BAZ2B: variants seen among roughly 807,000 people sequenced by gnomAD.
BAZ2B encodes bromodomain adjacent to zinc finger domain protein 2B.
BAZ2B carries 91 observed loss-of-function variants against 246.0 expected under a neutral mutation model. That is an observed-to-expected ratio of 0.37 (90% confidence interval 0.31 to 0.44). The LOEUF is 0.44. Ranked by LOEUF, BAZ2B falls within the 20% of genes least tolerant of loss-of-function variation. The pLI, the probability that BAZ2B is intolerant of heterozygous loss-of-function variation, is 1.00. For synonymous variants in BAZ2B, 855 were observed against 860.0 expected (o/e 0.99, Z 0.10); for missense variants, 2,332 against 2,533.7 (o/e 0.92, Z 1.71).
chr2:159,371,762 T>C (rs2060877463), intron 27 of BAZ2B, among the ~76,000 whole-genome samples: 1 of 152,232 alleles, frequency 6.6e-6, no homozygotes, highest in African/African-American at 2.4e-5. Flanking sequence ...GAGATGGCCA[T>C]CTGTACCAAA....
At chr2:159,404,159 C>T (rs2065533815) in intron 16 of BAZ2B, among the ~76,000 whole-genome samples, 1 of 152,170 alleles carries the variant, frequency 6.6e-6, no homozygotes, top group Non-Finnish European at 1.5e-5. Flanking sequence ...CATTTCCTTT[C>T]TGCTTTAATG....
At chr2:159,641,162 T>G in the BAZ2B span, among the ~76,000 whole-genome samples, 101 of 152,332 alleles carry the variant, frequency 6.6e-4, no homozygotes, top group African/African-American at 2.3e-3. Flanking sequence ...TCCACAATGG[T>G]TGAACTAATT....
intron 2 of BAZ2B, among the ~76,000 whole-genome samples, chr2:159,519,695 CAG>C (rs1353481724): frequency 1.5e-4 from 17 of 114,670 alleles, no homozygotes; most frequent in Admixed American, 5.1e-4. Flanking sequence ...TTTTTTGAGA[CAG>C]AGTCTTGCTC....
In BAZ2B at chr2:159,588,214, CAAAAA is replaced by C. The variant is rs556237766; in HGVS notation, c.-46+28023_-46+28027del. ...TGGGTGACAGACCAAGACCCTGCATCAAAAAAAAAAAAAAAAAACCCCTGCTTGCC... is the reference window on the plus strand; with the variant it reads ...TGGGTGACAGACCAAGACCCTGCATCAAAAAAAAAAAAACCCCTGCTTGCC... On this transcript the variant is annotated intron_variant, in intron 1 of 36. Coordinates refer to ENST00000392783, the MANE Select transcript of BAZ2B (RefSeq NM_013450.4). Among the ~76,000 whole-genome samples the C allele has an allele frequency of 8.2e-5, 9 of 109,208 alleles. 1 individual carries two copies. The South Asian group carries it at 2.8e-3, about 34-fold the overall frequency. The allele number at this position is 109,208 out of a possible 152,430, so 71.6% of individuals were successfully genotyped here.
chr2:159,684,233 G>T, the BAZ2B span, among the ~76,000 whole-genome samples: 123 of 152,314 alleles, frequency 8.1e-4, no homozygotes, highest in Middle Eastern at 3.4e-3. Flanking sequence ...TATTTGTGCT[G>T]TTTAGGGTTT....
chr2:159,348,951 G>A, intron 29 of BAZ2B, 56 bp downstream of exon 29: 1 of 1,584,420 alleles, frequency 6.3e-7, no homozygotes, highest in Non-Finnish European at 8.6e-7. Context: ...TTATAATACA[G>A]GAATCCATAA....
chr2:159,386,225 T>C, intron 22 of BAZ2B, 128 bp downstream of exon 22: 1 of 1,073,912 alleles, frequency 9.3e-7, no homozygotes, highest in Non-Finnish European at 1.3e-6. Context: ...AAATCTACAG[T>C]TAACTTTGTG....
chr2:159,663,954 C>A, the BAZ2B span, among the ~76,000 whole-genome samples: 1 of 96,498 alleles, frequency 1.0e-5, no homozygotes, highest in Non-Finnish European at 2.0e-5. Context: ...TATACATGTG[C>A]CATGCTGGTG....
At chr2:159,402,228 A>T (rs1276183028) in intron 16 of BAZ2B, among the ~76,000 whole-genome samples, 2 of 152,144 alleles carry the variant, frequency 1.3e-5, no homozygotes, top group Non-Finnish European at 2.9e-5. Flanking sequence ...CGGGCAGATC[A>T]CCTGAGGTCA....
chr2:159,591,176 A>G (rs1396625237), intron 1 of BAZ2B, among the ~76,000 whole-genome samples: 1 of 152,196 alleles, frequency 6.6e-6, no homozygotes, highest in African/African-American at 2.4e-5. Flanking sequence ...AAGTATAACC[A>G]TTACACAGAA....
At chr2:159,635,833 G>C in the BAZ2B span, among the ~76,000 whole-genome samples, 1 of 152,114 alleles carries the variant, frequency 6.6e-6, no homozygotes, top group African/African-American at 2.4e-5. Flanking sequence ...TGATAATCAA[G>C]AGGTATCTTA....
upstream of BAZ2B, chr2:159,616,770 C>T (rs572315881): frequency 6.6e-6 from 1 of 152,204 alleles, no homozygotes; most frequent in Non-Finnish European, 1.5e-5. Context: ...AGTTAAGAAA[C>T]TTAAAATGTT....
intron 5 of BAZ2B, among the ~76,000 whole-genome samples, 161 bp from the exon 6 acceptor site, chr2:159,447,136 A>G (rs1241490067): frequency 3.3e-5 from 5 of 152,242 alleles, no homozygotes; most frequent in Admixed American, 2.6e-4. Flanking sequence ...AAATATTCAG[A>G]GCAGGTAAAC....
At chr2:159,690,131 C>T in the BAZ2B span, 1 of 514,968 alleles carries the variant, frequency 1.9e-6, no homozygotes, top group Non-Finnish European at 3.4e-6. Context: ...AAACACATGA[C>T]TCTTGAGGCC....
At chr2:159,682,914 C>G in the BAZ2B span, among the ~76,000 whole-genome samples, 3 of 136,468 alleles carry the variant, frequency 2.2e-5, no homozygotes, top group East Asian at 2.3e-4. Context: ...ACCCCTCCCC[C>G]CCCCCACACA....
At chr2:159,413,081 A>G (rs2067079416) in intron 13 of BAZ2B, among the ~76,000 whole-genome samples, 1 of 152,204 alleles carries the variant, frequency 6.6e-6, no homozygotes, top group African/African-American at 2.4e-5. Flanking sequence ...CATCAAAAAG[A>G]GACACAACTA....
chr2:159,484,276 C>T (rs1178774727), intron 2 of BAZ2B, among the ~76,000 whole-genome samples: 2 of 152,114 alleles, frequency 1.3e-5, no homozygotes, highest in African/African-American at 4.8e-5. Flanking sequence ...TTCTATATAA[C>T]TATAATAGTA....
intron 1 of BAZ2B, among the ~76,000 whole-genome samples, chr2:159,590,822 C>G (rs1249594434): frequency 6.6e-6 from 1 of 152,080 alleles, no homozygotes; most frequent in Non-Finnish European, 1.5e-5. Context: ...TGGACTTTAT[C>G]AGATTTATTT....
At chr2:159,517,725 C>A in intron 2 of BAZ2B, among the ~76,000 whole-genome samples, 1 of 151,754 alleles carries the variant, frequency 6.6e-6, no homozygotes, top group East Asian at 1.9e-4. Flanking sequence ...AAAAGAACAC[C>A]CAGGAGAGAA....
Sources: gnomAD v4.1 joint callset for allele counts (sites outside exome capture counted in the v4.1 genomes callset) on GRCh38, gnomAD v4.1.1 for gene constraint, MANE v1.5 for transcripts, NCBI Gene and HGNC (gene_info 2026-07-23, HGNC 2026-07-21) for gene names.